PHEX: variants seen among roughly 807,000 people sequenced by gnomAD.
PHEX encodes the protein phosphate-regulating neutral endopeptidase PHEX.
Under a neutral mutation model 68.0 loss-of-function variants are expected in PHEX, and 16 were observed. The ratio of observed to expected loss-of-function variants is 0.24; its 90% confidence interval spans 0.16 to 0.36. The LOEUF is 0.36. PHEX is among the 10% of genes least tolerant of loss of function. The pLI is 1.00. For synonymous variants in PHEX, 208 were observed against 205.1 expected (o/e 1.01, Z -0.12); for missense variants, 480 against 575.5 (o/e 0.83, Z 1.70).
At chrX:22,038,184 T>A (rs766418865) in intron 1 of PHEX, among the ~76,000 whole-genome samples, 1 of 110,653 alleles carries the variant, frequency 9.0e-6, no homozygotes, top group South Asian at 3.9e-4. Flanking sequence ...CAGCAGCAGC[T>A]GCTGCTGCTC....
At chrX:22,239,164 A>G (rs1454196598) in intron 20 of PHEX, among the ~76,000 whole-genome samples, 1 of 111,946 alleles carries the variant, frequency 8.9e-6, no homozygotes, top group Non-Finnish European at 1.9e-5. Flanking sequence ...AAAACTGACA[A>G]ACAAACAGAA....
intron 11 of PHEX, among the ~76,000 whole-genome samples, chrX:22,124,276 C>T (rs764479505): frequency 1.8e-5 from 2 of 112,363 alleles, no homozygotes; most frequent in East Asian, 5.6e-4. Context: ...ATTTAGATAG[C>T]TCATTGGGAA....
intron 3 of PHEX, among the ~76,000 whole-genome samples, chrX:22,075,285 C>CT (rs1164944990): frequency 0.23 from 14,515 of 62,161 alleles, 1,673 homozygotes; most frequent in Non-Finnish European, 0.28. Context: ...CTCTGGGTTG[C>CT]TTTTTTTTTT....
intron 20 of PHEX, among the ~76,000 whole-genome samples, chrX:22,241,279 G>T (rs1052401629): frequency 5.3e-5 from 6 of 112,252 alleles, no homozygotes; most frequent in African/African-American, 1.9e-4. Flanking sequence ...TTAAAGCAGT[G>T]TGTAGAAAGA....
rs778937190 is a variant in PHEX, at chrX:22,188,191, G to A, written c.1587-2253G>A. 3.6e-5 allele frequency among the ~76,000 whole-genome samples: 4 copies of A among 111,829 alleles called. No individual in the cohort carries two copies. The South Asian group carries it at 1.1e-3, about 31-fold the overall frequency. ...CTGATATAAATTAATTTGTTAGTCT[G>A]ACATAATTATCCTATTAGACGTAAA... On this transcript the variant is annotated intron_variant, in intron 14 of 21. Transcript: ENST00000379374.
chrX:22,130,704 G>C (rs183073428), intron 11 of PHEX, among the ~76,000 whole-genome samples: 39 of 110,624 alleles, frequency 3.5e-4, no homozygotes, highest in African/African-American at 1.2e-3. Context: ...TCACTCCCTG[G>C]CATTTCTCTC....
At chrX:22,034,340 A>T (rs1270037822) in intron 1 of PHEX, among the ~76,000 whole-genome samples, 1 of 112,050 alleles carries the variant, frequency 8.9e-6, no homozygotes, top group Non-Finnish European at 1.9e-5. Flanking sequence ...CCCAATAATT[A>T]TTGTTTATGT....
At chrX:22,036,083 G>T (rs1364955297) in intron 1 of PHEX, among the ~76,000 whole-genome samples, 1 of 79,739 alleles carries the variant, frequency 1.3e-5, no homozygotes, top group Admixed American at 1.6e-4. Flanking sequence ...TTTTTGAGAC[G>T]GAGTCTCACT....
intron 3 of PHEX, among the ~76,000 whole-genome samples, chrX:22,073,643 T>G (rs951982409): frequency 1.1e-5 from 1 of 92,442 alleles, no homozygotes; most frequent in Non-Finnish European, 2.1e-5. Context: ...TAGTTTTTTT[T>G]TTTTTTTTTT....
At chrX:22,097,429 A>G (rs752225168) in intron 8 of PHEX, among the ~76,000 whole-genome samples, 1 of 112,255 alleles carries the variant, frequency 8.9e-6, no homozygotes, top group South Asian at 3.7e-4. Context: ...GGTATCCATC[A>G]CAGCTCCATA....
chrX:22,099,507 CT>C (rs76234507), intron 9 of PHEX: 8,903 of 138,640 alleles, frequency 0.064, 1 homozygote, highest in South Asian at 0.099. Context: ...TCTTTTGCTG[CT>C]TTTTTTTTTT....
Position 22,038,760 on chromosome X carries a change from G to A in PHEX, c.187+223G>A, listed in dbSNP as rs141733180. 0.019 allele frequency among the ~76,000 whole-genome samples: 2,153 copies of A among 111,734 alleles called. 22 individuals are homozygous for A. Among genetic ancestry groups the A allele is most frequent in the Non-Finnish European group, 0.03 (1,617 of 53,148 alleles). ...TTGCAAAAACTGTGGTATTCTAAGC[G>A]TTGTTACAAGGAAATCAGGAAGGGG... On this transcript the variant is annotated intron_variant, in intron 2 of 21. Coordinates refer to ENST00000379374, the MANE Select transcript of PHEX (RefSeq NM_000444.6).
chrX:22,081,591 C>G (rs1257382506), intron 5 of PHEX, among the ~76,000 whole-genome samples: 2 of 111,678 alleles, frequency 1.8e-5, no homozygotes, highest in African/African-American at 6.5e-5. Flanking sequence ...TTTGGGTGAG[C>G]AGATGGTGCC....
At chrX:22,131,284 G>T (rs1287088488) in intron 11 of PHEX, among the ~76,000 whole-genome samples, 1 of 111,303 alleles carries the variant, frequency 9.0e-6, no homozygotes, top group Non-Finnish European at 1.9e-5. Context: ...CAAGTAATCT[G>T]CCCGCCTCAG....
At chrX:22,208,243 C>G (rs1934775894) in intron 15 of PHEX, among the ~76,000 whole-genome samples, 1 of 111,332 alleles carries the variant, frequency 9.0e-6, no homozygotes, top group Non-Finnish European at 1.9e-5. Context: ...ATTTTACAGA[C>G]TTTTAAGGAA....
At position 22,226,522 on chromosome X, in the gene PHEX, C is replaced by T; in HGVS notation, c.1965+14C>T. The T allele has an allele frequency of 8.5e-7, 1 of 1,174,699 alleles. No homozygotes were observed. Among genetic ancestry groups the T allele is most frequent in the Non-Finnish European group, 1.2e-6 (1 of 862,653 alleles). ...GAAGCTTTTAGGGTATGCGCTGCTA[C>T]ATTTACCGTGGTTCTAAAAATCAAG... On this transcript the variant is annotated intron_variant, in intron 19 of 21. Transcript: ENST00000379374.
chrX:22,231,677 T>G (rs1602418294), intron 20 of PHEX, among the ~76,000 whole-genome samples: 1 of 111,781 alleles, frequency 8.9e-6, no homozygotes, highest in African/African-American at 3.3e-5. Flanking sequence ...TAGTCTTTCT[T>G]GCTAGTGGTC....
intron 12 of PHEX, among the ~76,000 whole-genome samples, chrX:22,155,112 A>G (rs1169734595): frequency 8.9e-6 from 1 of 112,311 alleles, no homozygotes; most frequent in East Asian, 2.8e-4. Context: ...AGGTTTCACC[A>G]TATTGGTCGG....
intron 11 of PHEX, among the ~76,000 whole-genome samples, chrX:22,115,588 CT>C (rs751008336): frequency 1.8e-5 from 2 of 111,906 alleles, no homozygotes; most frequent in Non-Finnish European, 3.8e-5. Flanking sequence ...TGATCAATAT[CT>C]CCCCATTTCC....
Sources: gnomAD v4.1 joint callset for allele counts (sites outside exome capture counted in the v4.1 genomes callset) on GRCh38, gnomAD v4.1.1 for gene constraint, MANE v1.5 for transcripts, NCBI Gene and HGNC (gene_info 2026-07-23, HGNC 2026-07-21) for gene names.